GRM7: variants seen among roughly 807,000 people sequenced by gnomAD.
The protein encoded by GRM7 is glutamate metabotropic receptor 7, also known as metabotropic glutamate receptor 7.
GRM7 carries 35 observed loss-of-function variants against 84.5 expected under a neutral mutation model. That is an observed-to-expected ratio of 0.41 (90% CI 0.32 to 0.55). The LOEUF is 0.55. GRM7 is among the 20% of genes least tolerant of loss of function. GRM7 has a pLI of 0.19. For missense variants in GRM7, 1,003 were observed against 1,194.6 expected, an observed-to-expected ratio of 0.84 and a Z score of 2.36; for synonymous variants, 487 against 455.1, an observed-to-expected ratio of 1.07 and a Z score of -0.89.
chr3:6,936,306 C>G (rs1249829873), intron 1 of GRM7, among the ~76,000 whole-genome samples: 5 of 152,166 alleles, frequency 3.3e-5, no homozygotes, highest in Non-Finnish European at 5.9e-5. Context: ...GACACCTCCC[C>G]ATAAACAGCT....
At chr3:7,289,055 T>A (rs1699529039) in intron 2 of GRM7, among the ~76,000 whole-genome samples, 1 of 152,150 alleles carries the variant, frequency 6.6e-6, no homozygotes, top group African/African-American at 2.4e-5. Context: ...ACCTGCCATG[T>A]TTTAACCTCA....
chr3:7,560,846 A>G (rs1034232693), intron 7 of GRM7, among the ~76,000 whole-genome samples: 12 of 152,206 alleles, frequency 7.9e-5, no homozygotes, highest in African/African-American at 2.9e-4. Context: ...CACTTATTAT[A>G]ATACATTTTA....
At chr3:7,137,830 A>G (rs1693819418) in intron 1 of GRM7, among the ~76,000 whole-genome samples, 1 of 151,904 alleles carries the variant, frequency 6.6e-6, no homozygotes, top group Non-Finnish European at 1.5e-5. Flanking sequence ...TGCCATATAG[A>G]CTCCTGGAGA....
At chr3:7,456,804 G>A (rs1246385233) in intron 6 of GRM7, among the ~76,000 whole-genome samples, 1 of 151,912 alleles carries the variant, frequency 6.6e-6, no homozygotes, top group Admixed American at 6.6e-5. Flanking sequence ...TGGCTCCCAA[G>A]ACACTGCAGT....
chr3:7,431,001 G>A (rs892850826), intron 5 of GRM7, among the ~76,000 whole-genome samples: 2 of 151,978 alleles, frequency 1.3e-5, no homozygotes, highest in African/African-American at 4.8e-5. Flanking sequence ...TACCCCCACT[G>A]GACTTGAGGG....
chr3:7,390,886 C>T (rs574635859), intron 4 of GRM7, among the ~76,000 whole-genome samples: 4 of 152,162 alleles, frequency 2.6e-5, no homozygotes, highest in East Asian at 1.9e-4. Flanking sequence ...TACTTGAGAG[C>T]TACTGGGATC....
intron 4 of GRM7, among the ~76,000 whole-genome samples, chr3:7,385,394 C>A (rs1313189270): frequency 6.9e-6 from 1 of 144,002 alleles, no homozygotes; most frequent in Admixed American, 7.3e-5. Context: ...TCTGCCTCCT[C>A]GGTTCACGCC....
intron 5 of GRM7, among the ~76,000 whole-genome samples, chr3:7,440,225 G>C (rs531859902): frequency 6.6e-6 from 1 of 152,250 alleles, no homozygotes; most frequent in East Asian, 1.9e-4. Context: ...GGAAAATGCA[G>C]GTGAACTTTG....
At chr3:7,189,225 A>G (rs1695624590) in intron 2 of GRM7, among the ~76,000 whole-genome samples, 2 of 152,190 alleles carry the variant, frequency 1.3e-5, no homozygotes, top group South Asian at 2.1e-4. Context: ...ATATATGCAT[A>G]TGTATATACA....
At chr3:6,932,807 T>G (rs1207062869) in intron 1 of GRM7, among the ~76,000 whole-genome samples, 1 of 142,438 alleles carries the variant, frequency 7.0e-6, no homozygotes, top group African/African-American at 2.7e-5. Context: ...CAGGCTGGAG[T>G]GCAATGGCGC....
chr3:7,516,139 G>A (rs1297580304), intron 7 of GRM7, among the ~76,000 whole-genome samples: 4 of 138,162 alleles, frequency 2.9e-5, no homozygotes, highest in African/African-American at 1.1e-4. Flanking sequence ...ACTCCAGCCT[G>A]GGCAACAGAG....
At chr3:7,391,481 T>C (rs1263168892) in intron 4 of GRM7, among the ~76,000 whole-genome samples, 1 of 152,018 alleles carries the variant, frequency 6.6e-6, no homozygotes, top group East Asian at 1.9e-4. Context: ...ACACTGCATG[T>C]TCTCACTCAT....
chr3:7,238,753 CT>C (rs1384717365), intron 2 of GRM7, among the ~76,000 whole-genome samples: 1 of 149,694 alleles, frequency 6.7e-6, no homozygotes, highest in Non-Finnish European at 1.5e-5. Flanking sequence ...CTTTTCTTTT[CT>C]TTTCCTTTCC....
chr3:7,285,904 G>A (rs539336455), intron 2 of GRM7, among the ~76,000 whole-genome samples: 1 of 152,202 alleles, frequency 6.6e-6, no homozygotes, highest in East Asian at 1.9e-4. Context: ...AGTTTTTGGA[G>A]CTTAAGTTCA....
Position 7,464,490 on chromosome 3 carries a change from A to G in GRM7, c.1515+2768A>G, listed in dbSNP as rs1022159793. Among the ~76,000 whole-genome samples, 6 of 152,120 alleles carry G rather than the reference A, an allele frequency of 3.9e-5. No homozygotes were observed. In the East Asian group the frequency reaches 1.2e-3, roughly 29 times the overall value. On this transcript the variant is annotated intron_variant, in intron 7 of 9. Transcript: ENST00000357716. ...GTCTTTAAATTCATTACAAAGAGAG[A>G]TAAGAGAAGAGCAGAGAACCCAAGG... is the stretch of plus-strand genomic sequence containing the variant.
At chr3:7,146,391 AT>A in intron 1 of GRM7, 60 bp from the exon 2 acceptor site, 1 of 1,249,248 alleles carries the variant, frequency 8.0e-7, no homozygotes, top group South Asian at 1.2e-5. Context: ...TGTCATAAGT[AT>A]AAATGAGTCT....
At chr3:7,577,199 G>A (rs533481098) in intron 7 of GRM7, among the ~76,000 whole-genome samples, 1 of 152,314 alleles carries the variant, frequency 6.6e-6, no homozygotes, top group African/African-American at 2.4e-5. Context: ...AGGTTGGAAT[G>A]TTATCAGTAG....
intron 2 of GRM7, among the ~76,000 whole-genome samples, chr3:7,284,228 A>G (rs1354488682): frequency 1.3e-5 from 2 of 151,938 alleles, no homozygotes. Context: ...CTGATTACCA[A>G]AGTACCAGAG....
intron 4 of GRM7, among the ~76,000 whole-genome samples, chr3:7,406,689 A>T: frequency 6.6e-6 from 1 of 152,304 alleles, no homozygotes; most frequent in East Asian, 1.9e-4. Flanking sequence ...TAACTAAAAT[A>T]TTTTAGAATG....
Sources: gnomAD v4.1 joint callset for allele counts (sites outside exome capture counted in the v4.1 genomes callset) on GRCh38, gnomAD v4.1.1 for gene constraint, MANE v1.5 for transcripts, NCBI Gene and HGNC (gene_info 2026-07-23, HGNC 2026-07-21) for gene names.